Variants in RARB observed in about 807,000 individuals in gnomAD.
The protein encoded by RARB is retinoic acid receptor beta.
In RARB, 17 loss-of-function variants were observed where a neutral mutation model predicts 51.9. The observed-to-expected ratio is 0.33, with a 90% confidence interval of 0.22 to 0.49. RARB has a LOEUF of 0.49. Ranked by LOEUF, RARB falls within the 20% of genes least tolerant of loss-of-function variation. The pLI, the probability that RARB is intolerant of heterozygous loss-of-function variation, is 0.99. For missense variants in RARB, 369 were observed against 550.8 expected, an observed-to-expected ratio of 0.67 and a Z score of 3.30; for synonymous variants, 215 against 195.4, an observed-to-expected ratio of 1.10 and a Z score of -0.84.
At chr3:25,010,045 T>A (rs1302109852) in intron 2 of RARB, among the ~76,000 whole-genome samples, 1 of 152,152 alleles carries the variant, frequency 6.6e-6, no homozygotes, top group African/African-American at 2.4e-5. Context: ...TTTGACTGAT[T>A]GTTTATTATA....
chr3:25,319,649 A>ATT (rs11373206), intron 5 of RARB, among the ~76,000 whole-genome samples: 1 of 151,760 alleles, frequency 6.6e-6, no homozygotes, highest in Admixed American at 6.6e-5. Flanking sequence ...GGCAGTTTTG[A>ATT]TTTTTTTTCT....
intron 5 of RARB, among the ~76,000 whole-genome samples, chr3:25,362,926 GC>G: frequency 6.6e-6 from 1 of 152,228 alleles, no homozygotes; most frequent in Admixed American, 6.5e-5. Flanking sequence ...CAGCCATCTT[GC>G]CCAGGAACAG....
intron 5 of RARB, among the ~76,000 whole-genome samples, chr3:25,260,890 A>G (rs1417289302): frequency 6.6e-6 from 1 of 152,170 alleles, no homozygotes; most frequent in Non-Finnish European, 1.5e-5. Context: ...GGAGAAAATT[A>G]AATAAAATAG....
intron 5 of RARB, among the ~76,000 whole-genome samples, chr3:25,330,736 A>G (rs561137962): frequency 1.3e-5 from 2 of 152,336 alleles, no homozygotes; most frequent in South Asian, 2.1e-4. Context: ...ATAAAGAGTC[A>G]AGACCCATCA....
chr3:24,963,231 C>G (rs1195534609), intron 2 of RARB, among the ~76,000 whole-genome samples: 4 of 151,862 alleles, frequency 2.6e-5, no homozygotes, highest in Non-Finnish European at 5.9e-5. Flanking sequence ...GGCCCCTTGG[C>G]TGTTTGAAAT....
chr3:25,397,956 T>C (rs986956941), intron 5 of RARB, among the ~76,000 whole-genome samples: 4 of 152,188 alleles, frequency 2.6e-5, no homozygotes, highest in Non-Finnish European at 5.9e-5. Flanking sequence ...ATAATTCTTA[T>C]ATAACCCTTA....
chr3:25,239,096 G>A (rs1318798157), intron 5 of RARB, among the ~76,000 whole-genome samples: 2 of 152,118 alleles, frequency 1.3e-5, no homozygotes, highest in African/African-American at 4.8e-5. Context: ...TTGACCATTT[G>A]TATGTTTTCT....
At chr3:24,971,662 A>T (rs1696400410) in intron 2 of RARB, among the ~76,000 whole-genome samples, 1 of 152,062 alleles carries the variant, frequency 6.6e-6, no homozygotes, top group African/African-American at 2.4e-5. Context: ...CTGACAAAGG[A>T]GGTGATTACA....
intron 5 of RARB, among the ~76,000 whole-genome samples, chr3:25,344,436 A>G (rs895121561): frequency 6.6e-6 from 1 of 152,194 alleles, no homozygotes; most frequent in Non-Finnish European, 1.5e-5. Context: ...TAACTTATCA[A>G]AATGCATCTG....
chr3:25,083,949 C>T (rs1699058084), intron 3 of RARB, among the ~76,000 whole-genome samples: 1 of 152,290 alleles, frequency 6.6e-6, no homozygotes, highest in African/African-American at 2.4e-5. Context: ...TCCACTCCGA[C>T]AAACTGAAAT....
intron 4 of RARB, among the ~76,000 whole-genome samples, chr3:25,138,413 T>A (rs1213432706): frequency 6.6e-6 from 1 of 151,846 alleles, no homozygotes; most frequent in Admixed American, 6.6e-5. Flanking sequence ...GGACCATTGA[T>A]TCAGTCCCTG....
chr3:25,157,259 A>G (rs749539299), intron 4 of RARB, among the ~76,000 whole-genome samples: 59 of 152,274 alleles, frequency 3.9e-4, no homozygotes, highest in Non-Finnish European at 4.9e-4. Flanking sequence ...ATTTTCATGG[A>G]GTCAACAATA....
At chr3:25,204,590 C>A (rs991753209) in intron 5 of RARB, among the ~76,000 whole-genome samples, 1 of 152,102 alleles carries the variant, frequency 6.6e-6, no homozygotes, top group Non-Finnish European at 1.5e-5. Flanking sequence ...TGGTGATGTA[C>A]AGATTGGGTT....
intron 3 of RARB, among the ~76,000 whole-genome samples, chr3:25,080,261 C>G (rs13325558): frequency 0.16 from 24,928 of 152,160 alleles, 3,400 homozygotes; most frequent in African/African-American, 0.37. Context: ...TGTATCAGAG[C>G]TTTATTTCTT....
intron 4 of RARB, among the ~76,000 whole-genome samples, chr3:25,158,937 G>A (rs1700424502): frequency 6.6e-6 from 1 of 152,002 alleles, no homozygotes; most frequent in Non-Finnish European, 1.5e-5. Context: ...TAGGCGATTT[G>A]GGGGACTAGG....
chr3:24,830,139 C>T (rs1436753568), intron 1 of RARB, among the ~76,000 whole-genome samples: 1 of 152,116 alleles, frequency 6.6e-6, no homozygotes, highest in African/African-American at 2.4e-5. Context: ...CCTGGACTGT[C>T]AGCCGCGAAG....
At chr3:25,583,937 C>A (rs1701285728) in intron 5 of RARB, among the ~76,000 whole-genome samples, 1 of 152,158 alleles carries the variant, frequency 6.6e-6, no homozygotes, top group South Asian at 2.1e-4. Context: ...GTGAGGGAGC[C>A]CCGGAGCAGG....
intron 2 of RARB, among the ~76,000 whole-genome samples, chr3:25,004,462 G>C (rs1331753345): frequency 2.0e-5 from 3 of 152,058 alleles, no homozygotes; most frequent in African/African-American, 7.2e-5. Context: ...ATGGTGGAAG[G>C]GCAGAGAGGG....
chr3:25,015,541 A>AG (rs1697490777), intron 2 of RARB, among the ~76,000 whole-genome samples: 1 of 152,178 alleles, frequency 6.6e-6, no homozygotes, highest in Non-Finnish European at 1.5e-5. Flanking sequence ...ACTTCTTGAT[A>AG]GGACCTGTCA....
Sources: allele counts gnomAD v4.1 joint callset (sites outside exome capture counted in the v4.1 genomes callset), GRCh38; gene constraint gnomAD v4.1.1; transcripts MANE v1.5; gene names NCBI Gene and HGNC (gene_info 2026-07-23, HGNC 2026-07-21).